RPS6KA5: variants seen among roughly 807,000 people sequenced by gnomAD.
RPS6KA5 encodes ribosomal protein S6 kinase A5, also known as ribosomal protein S6 kinase alpha-5.
Under a neutral mutation model 85.5 loss-of-function variants are expected in RPS6KA5, and 27 were observed. The observed-to-expected ratio is 0.32, with a 90% CI of 0.23 to 0.44. RPS6KA5 has a LOEUF of 0.44. Among genes scored for constraint, RPS6KA5 ranks in the 20% least tolerant of loss-of-function variants. RPS6KA5 has a pLI of 1.00. For missense variants in RPS6KA5, 811 were observed against 980.9 expected, an observed-to-expected ratio of 0.83 and a Z score of 2.31; for synonymous variants, 334 against 348.2, an observed-to-expected ratio of 0.96 and a Z score of 0.46.
chr14:90,984,048 G>C (rs1419481234), intron 2 of RPS6KA5, among the ~76,000 whole-genome samples: 3 of 152,086 alleles, frequency 2.0e-5, no homozygotes, highest in African/African-American at 7.2e-5. Context: ...GTTTCACCAT[G>C]TTGGCCAGGC....
At chr14:91,029,511 G>C (rs187991939) in intron 1 of RPS6KA5, among the ~76,000 whole-genome samples, 19 of 152,246 alleles carry the variant, frequency 1.2e-4, no homozygotes, top group Admixed American at 1.2e-3. Context: ...ACTGTGCAGA[G>C]AGCTATCTAA....
intron 14 of RPS6KA5, among the ~76,000 whole-genome samples, chr14:90,886,162 C>G (rs750722118): frequency 8.6e-5 from 13 of 151,656 alleles, no homozygotes; most frequent in Non-Finnish European, 1.2e-4. Flanking sequence ...AGCGTGCACA[C>G]TAGAAATAAT....
At chr14:90,930,284 T>C (rs1218651499) in intron 5 of RPS6KA5, among the ~76,000 whole-genome samples, 1 of 152,232 alleles carries the variant, frequency 6.6e-6, no homozygotes, top group Non-Finnish European at 1.5e-5. Context: ...AACTTAGTTA[T>C]ATGACAGAAG....
In RPS6KA5 at chr14:90,855,623, T is replaced by TTTTTTTTTC; in HGVS notation, c.*16450_*16451insGAAAAAAAA. The TTTTTTTTTC allele has an allele frequency of 7.2e-6, 1 of 139,560 alleles. No individual in the cohort carries two copies. Among genetic ancestry groups the TTTTTTTTTC allele is most frequent in the Non-Finnish European group, 1.5e-5 (1 of 65,880 alleles). 8.6% of individuals were successfully genotyped at this position (139,560 alleles called of 1,614,324 possible). On this transcript the variant is annotated 3_prime_UTR_variant, in exon 17 of 17. Coordinates refer to ENST00000614987, the MANE Select transcript of RPS6KA5 (RefSeq NM_004755.4). ...CAGCTAATTTTTGTATTTTTTTTTT[T>TTTTTTTTTC]TTGAGACAGAGTCTTGCTCTGTTGC...
At chr14:90,872,513 C>T (rs2033187414) in intron 16 of RPS6KA5, among the ~76,000 whole-genome samples, 191 bp from the exon 17 acceptor site, 1 of 152,040 alleles carries the variant, frequency 6.6e-6, no homozygotes, top group African/African-American at 2.4e-5. Context: ...GAAAAAAATT[C>T]TGAGGGCTCT....
intron 1 of RPS6KA5, among the ~76,000 whole-genome samples, chr14:91,016,234 A>G (rs955974086): frequency 1.3e-5 from 2 of 152,128 alleles, no homozygotes; most frequent in African/African-American, 4.8e-5. Context: ...CTCACTGGTA[A>G]ACTAATTTTT....
intron 2 of RPS6KA5, among the ~76,000 whole-genome samples, chr14:90,995,866 G>A (rs1237437872): frequency 6.6e-6 from 1 of 152,116 alleles, no homozygotes; most frequent in Non-Finnish European, 1.5e-5. Flanking sequence ...GATTACTTGG[G>A]CCCAGGAGTT....
chr14:91,049,614 C>CA (rs918392823), intron 1 of RPS6KA5, among the ~76,000 whole-genome samples: 14 of 144,298 alleles, frequency 9.7e-5, no homozygotes, highest in South Asian at 2.2e-4. Flanking sequence ...GACTCTGTCT[C>CA]AAAAAAAAAG....
rs192464305 is a variant in RPS6KA5 at position 90,889,948 on chromosome 14, A to G, written c.1836+539T>C. Among the ~76,000 whole-genome samples, 358 of 152,076 alleles carry G rather than the reference A, an allele frequency of 2.4e-3. 3 individuals carry two copies. Among genetic ancestry groups the G allele is most frequent in the Non-Finnish European group, 4.0e-3 (272 of 67,980 alleles). ...GCAGAAAAAGTAATGATATTTGGAG[A>G]AAAAAAACACAAGATTTTTCTAGCT... is the stretch of plus-strand genomic sequence containing the variant. On this transcript the variant is annotated intron_variant, in intron 14 of 16. Coordinates refer to ENST00000614987, the MANE Select transcript of RPS6KA5 (RefSeq NM_004755.4).
intron 2 of RPS6KA5, among the ~76,000 whole-genome samples, chr14:90,988,399 T>C (rs752584839): frequency 1.3e-5 from 2 of 152,212 alleles, no homozygotes; most frequent in Non-Finnish European, 2.9e-5. Flanking sequence ...TTACATAGCA[T>C]TTATTATGTG....
At chr14:90,876,777 A>C (rs911060574) in intron 14 of RPS6KA5, among the ~76,000 whole-genome samples, 5 of 152,186 alleles carry the variant, frequency 3.3e-5, no homozygotes, top group Admixed American at 6.5e-5. Context: ...GGCACTTAGG[A>C]AGGGACATGG....
intron 1 of RPS6KA5, among the ~76,000 whole-genome samples, chr14:91,032,995 C>T (rs899839482): frequency 5.3e-5 from 8 of 151,744 alleles, no homozygotes; most frequent in Admixed American, 2.0e-4. Context: ...ACCATCCTGG[C>T]TAATACGGTG....
At chr14:90,920,105 T>C (rs780022927) in intron 7 of RPS6KA5, 101 bp downstream of exon 7, 12 of 801,564 alleles carry the variant, frequency 1.5e-5, no homozygotes, top group Middle Eastern at 4.7e-4. Context: ...ACTTTGTCTA[T>C]CCTCATTTTA....
intron 3 of RPS6KA5, among the ~76,000 whole-genome samples, chr14:90,961,124 A>G (rs1419622723): frequency 6.6e-6 from 1 of 152,236 alleles, no homozygotes; most frequent in African/African-American, 2.4e-5. Context: ...TCTGAGACCA[A>G]AGAATAACAA....
intron 3 of RPS6KA5, among the ~76,000 whole-genome samples, chr14:90,966,960 A>G (rs1191269489): frequency 6.6e-6 from 1 of 152,220 alleles, no homozygotes; most frequent in Non-Finnish European, 1.5e-5. Context: ...AATTCAGGAT[A>G]AGTCTTCAGA....
chr14:90,857,838 A>G lies in RPS6KA5; in HGVS notation c.*14236T>C, dbSNP rs142255659. 2 of 152,334 alleles carry G rather than the reference A, an allele frequency of 1.3e-5. No individual in the cohort carries two copies. Among genetic ancestry groups the G allele is most frequent in the Admixed American group, 6.5e-5 (1 of 15,288 alleles). 9.4% of individuals were successfully genotyped at this position (152,334 alleles called of 1,614,324 possible). On this transcript the variant is annotated 3_prime_UTR_variant, in exon 17 of 17. Transcript: ENST00000614987. ...CAGGCTGCAAGTGCCAAAGTGACAC[A>G]GATCTTATCTTAAATATTGTTATAT...
chr14:91,037,197 C>G (rs144099327), intron 1 of RPS6KA5, among the ~76,000 whole-genome samples: 8 of 152,238 alleles, frequency 5.3e-5, no homozygotes, highest in Admixed American at 2.6e-4. Context: ...TGGAAGCAAC[C>G]ACAGCCCAAC....
intron 2 of RPS6KA5, among the ~76,000 whole-genome samples, chr14:90,978,852 C>G (rs1566819135): frequency 6.6e-6 from 1 of 152,042 alleles, no homozygotes; most frequent in Non-Finnish European, 1.5e-5. Flanking sequence ...CTGGAACAAC[C>G]AGGACATTTT....
intron 3 of RPS6KA5, among the ~76,000 whole-genome samples, chr14:90,970,365 T>C (rs141363538): frequency 4.1e-4 from 63 of 152,340 alleles, no homozygotes; most frequent in African/African-American, 1.5e-3. Flanking sequence ...ACCCTTACAA[T>C]TATTGAGATG....
Sources: allele counts gnomAD v4.1 joint callset (sites outside exome capture counted in the v4.1 genomes callset), GRCh38; gene constraint gnomAD v4.1.1; transcripts MANE v1.5; gene names NCBI Gene and HGNC (gene_info 2026-07-23, HGNC 2026-07-21).